FBN1: variants seen among roughly 807,000 people sequenced by gnomAD.
The protein encoded by FBN1 is fibrillin 1, also known as fibrillin-1.
Under a neutral mutation model 365.1 loss-of-function variants are expected in FBN1, and 29 were observed. That is an observed-to-expected ratio of 0.08 (90% CI 0.06 to 0.11). FBN1 has a LOEUF of 0.11. FBN1 is among the 10% of genes least tolerant of loss of function. The pLI is 1.00. For missense variants in FBN1, 2,476 were observed against 3,703.2 expected (o/e 0.67, Z 8.60); for synonymous variants, 1,210 against 1,270.5 (o/e 0.95, Z 1.01).
In FBN1 at chr15:48,576,886, G is replaced by C. The variant is rs374990027; in HGVS notation, c.538+19397C>G. 9.2e-5 allele frequency among the ~76,000 whole-genome samples: 14 copies of C among 152,234 alleles called. 1 individual carries two copies. Among genetic ancestry groups the C allele is most frequent in the Admixed American group, 6.5e-4 (10 of 15,280 alleles). On this transcript the variant is annotated intron_variant, in intron 6 of 65. Transcript: ENST00000316623. ...CTGTACAGCAGAGAAGGTAGATAAG[G>C]GATCTTGGAGGAGGGGTCTCTGTGA...
chr15:48,425,250 G>T, intron 60 of FBN1, 119 bp downstream of exon 60: 1 of 1,393,260 alleles, frequency 7.2e-7, no homozygotes, highest in South Asian at 1.2e-5. Context: ...ATTAACCCCA[G>T]GGAAGCACCT....
chr15:48,541,332 T>C (rs2044056302), intron 6 of FBN1, among the ~76,000 whole-genome samples: 1 of 152,228 alleles, frequency 6.6e-6, no homozygotes, highest in Non-Finnish European at 1.5e-5. Flanking sequence ...TAGATATTTA[T>C]CACTATAGAC....
rs730880099 is a variant in FBN1, at chr15:48,510,125, G to A, written c.1633C>T (p.Arg545Cys). Residue 545 changes from arginine to cysteine, a missense_variant, in exon 14 of 66, where the codon CGC becomes TGC. Physicochemically the swap from Arg to Cys is radical, Grantham distance 180 (BLOSUM62 -3). Transcript: ENST00000316623. Reference sequence around the variant, plus strand: ...AAACTGCCATCTGTGTTGATGCAGCGTCCATTATTGCAGATCCGGCCATTC... The same window carrying A: ...AAACTGCCATCTGTGTTGATGCAGCATCCATTATTGCAGATCCGGCCATTC... Reference protein sequence around the residue: ...LQNGRICNNGRCINTDGSFHC... With the variant: ...LQNGRICNNGCCINTDGSFHC... 3.1e-6 allele frequency: 5 copies of A among 1,613,224 alleles called. No homozygotes were observed. Among genetic ancestry groups the A allele is most frequent in the Non-Finnish European group, 4.2e-6 (5 of 1,179,436 alleles).
intron 6 of FBN1, among the ~76,000 whole-genome samples, chr15:48,572,998 G>A (rs2044317663): frequency 6.6e-6 from 1 of 152,142 alleles, no homozygotes; most frequent in Admixed American, 6.6e-5. Flanking sequence ...ACAATGGGAG[G>A]ATGTGGGCAT....
intron 6 of FBN1, among the ~76,000 whole-genome samples, chr15:48,594,659 A>C (rs1194928099): frequency 6.6e-6 from 1 of 152,136 alleles, no homozygotes; most frequent in Non-Finnish European, 1.5e-5. Flanking sequence ...TTTATTTTAG[A>C]CTGTGTTATC....
chr15:48,447,358 A>T (rs1466609139), intron 46 of FBN1, among the ~76,000 whole-genome samples: 1 of 152,146 alleles, frequency 6.6e-6, no homozygotes, highest in African/African-American at 2.4e-5. Flanking sequence ...ACATAGAACA[A>T]CTTCCACCAA....
At chr15:48,535,002 T>C (rs946722824) in intron 7 of FBN1, among the ~76,000 whole-genome samples, 1 of 152,130 alleles carries the variant, frequency 6.6e-6, no homozygotes, top group Non-Finnish European at 1.5e-5. Flanking sequence ...TCCACCCTCC[T>C]ATCTCTCCCA....
intron 2 of FBN1, among the ~76,000 whole-genome samples, chr15:48,618,436 T>G (rs1889701025): frequency 6.6e-6 from 1 of 152,226 alleles, no homozygotes; most frequent in South Asian, 2.1e-4. Context: ...CCTCTTTATT[T>G]TAGTGCCTTT....
intron 6 of FBN1, among the ~76,000 whole-genome samples, chr15:48,570,428 T>A (rs2044297546): frequency 1.3e-5 from 2 of 151,880 alleles, no homozygotes; most frequent in Non-Finnish European, 2.9e-5. Flanking sequence ...ATGCAAAAAA[T>A]TTGTTTTGTG....
intron 7 of FBN1, 95 bp from the exon 8 acceptor site, chr15:48,534,300 A>G (rs1045647088): frequency 3.1e-5 from 40 of 1,295,674 alleles, no homozygotes; most frequent in Non-Finnish European, 4.2e-5. Context: ...TTATGTTACC[A>G]TATTTATATC....
At chr15:48,643,603 C>T (rs894850420) in intron 2 of FBN1, 3 of 152,010 alleles carry the variant, frequency 2.0e-5, no homozygotes, top group Admixed American at 6.6e-5. Flanking sequence ...CACTTGGTGA[C>T]CCAGAGCTAT....
At chr15:48,498,241 TAA>T (rs1246889802) in intron 18 of FBN1, among the ~76,000 whole-genome samples, 1 of 152,166 alleles carries the variant, frequency 6.6e-6, no homozygotes, top group Non-Finnish European at 1.5e-5. Flanking sequence ...TTATTCGTTA[TAA>T]GTTTCCTTAC....
intron 49 of FBN1, among the ~76,000 whole-genome samples, chr15:48,443,648 G>A (rs545431383): frequency 1.3e-5 from 2 of 152,284 alleles, no homozygotes; most frequent in South Asian, 4.2e-4. Context: ...TTGTGGATTA[G>A]ATGCAGACCT....
intron 29 of FBN1, among the ~76,000 whole-genome samples, chr15:48,486,628 C>A (rs1438817172): frequency 1.3e-5 from 2 of 152,208 alleles, no homozygotes; most frequent in African/African-American, 4.8e-5. Context: ...TTTAGCTGAT[C>A]TAAACCACAT....
chr15:48,547,108 G>A (rs2044099535), intron 6 of FBN1, among the ~76,000 whole-genome samples: 2 of 152,094 alleles, frequency 1.3e-5, no homozygotes, highest in African/African-American at 2.4e-5. Context: ...CAAAACCTGT[G>A]TATAATGTAA....
chr15:48,463,530 T>C (rs1048630830), intron 41 of FBN1, among the ~76,000 whole-genome samples: 1 of 152,248 alleles, frequency 6.6e-6, no homozygotes, highest in African/African-American at 2.4e-5. Flanking sequence ...AGTCTCCTAG[T>C]AACAATTCCC....
At chr15:48,520,938 C>T in intron 9 of FBN1, 121 bp from the exon 10 acceptor site, 1 of 1,341,682 alleles carries the variant, frequency 7.5e-7, no homozygotes, top group Non-Finnish European at 1.0e-6. Flanking sequence ...ACTCACACCT[C>T]TGCCCCCCGG....
At chr15:48,452,827 T>C in intron 44 of FBN1, 143 bp from the exon 45 acceptor site, 3 of 959,240 alleles carry the variant, frequency 3.1e-6, no homozygotes, top group Non-Finnish European at 4.8e-6. Flanking sequence ...CAGCTTTATT[T>C]ATTGCCAGAA....
chr15:48,435,750 ATGTG>A (rs3074871), intron 53 of FBN1, among the ~76,000 whole-genome samples: 103 of 85,058 alleles, frequency 1.2e-3, no homozygotes, highest in African/African-American at 2.1e-3. Context: ...GTGTATATAT[ATGTG>A]TGTATATATA....
Sources: allele counts gnomAD v4.1 joint callset (sites outside exome capture counted in the v4.1 genomes callset), GRCh38; gene constraint gnomAD v4.1.1; transcripts MANE v1.5; gene names NCBI Gene and HGNC (gene_info 2026-07-23, HGNC 2026-07-21).